Variants in UBR1 observed in about 807,000 individuals in gnomAD.
UBR1 encodes the protein ubiquitin protein ligase E3 component n-recognin 1, also known as E3 ubiquitin-protein ligase UBR1.
In UBR1, 102 loss-of-function variants were observed where a neutral mutation model predicts 242.1. That is an observed-to-expected ratio of 0.42 (90% CI 0.36 to 0.50). The LOEUF is 0.50. Among genes scored for constraint, UBR1 ranks in the 20% least tolerant of loss-of-function variants. The pLI, the probability that UBR1 is intolerant of heterozygous loss-of-function variation, is 0.01. For missense variants in UBR1, 1,772 were observed against 2,101.8 expected, an observed-to-expected ratio of 0.84 and a Z score of 3.07; for synonymous variants, 675 against 684.8, an observed-to-expected ratio of 0.99 and a Z score of 0.22.
At chr15:42,978,381 T>G (rs545470649) in intron 37 of UBR1, among the ~76,000 whole-genome samples, 2 of 152,320 alleles carry the variant, frequency 1.3e-5, no homozygotes, top group South Asian at 4.1e-4. Flanking sequence ...GTAGGTAAAA[T>G]GAGGATGGAG....
At chr15:43,009,427 C>A (rs1182147987) in intron 29 of UBR1, among the ~76,000 whole-genome samples, 1 of 152,248 alleles carries the variant, frequency 6.6e-6, no homozygotes, top group Non-Finnish European at 1.5e-5. Context: ...CGCTTATGCA[C>A]CCCTGGTCAC....
chr15:42,969,596 C>G (rs886264635), intron 40 of UBR1, among the ~76,000 whole-genome samples: 1 of 152,118 alleles, frequency 6.6e-6, no homozygotes, highest in Non-Finnish European at 1.5e-5. Flanking sequence ...TTGCCCATGC[C>G]TATGTCCTGA....
At chr15:43,055,002 G>A in intron 11 of UBR1, 103 bp from the exon 12 acceptor site, 1 of 1,292,822 alleles carries the variant, frequency 7.7e-7, no homozygotes, top group Non-Finnish European at 1.1e-6. Flanking sequence ...TTTAATAAAT[G>A]TTTGTTATTG....
Position 43,052,166 on chromosome 15 carries a change from T to C in UBR1, c.1439+2576A>G, listed in dbSNP as rs1193434255. On this transcript the variant is annotated intron_variant, in intron 12 of 46. Transcript: ENST00000290650. ...CTGTGTTCATTTCTTGGCACATAAATGGTATACATGCACCTGGAACAGGTT... is the reference window on the plus strand; with the variant it reads ...CTGTGTTCATTTCTTGGCACATAAACGGTATACATGCACCTGGAACAGGTT... Among the ~76,000 whole-genome samples the C allele has an allele frequency of 3.3e-5, 5 of 152,286 alleles. No individual in the cohort carries two copies. In the East Asian group the frequency reaches 9.6e-4, roughly 29 times the overall value.
In UBR1 at chr15:43,027,822, T is replaced by G. The variant is rs1419473393; in HGVS notation, c.2386A>C (p.Asn796His). 4 of 1,612,348 alleles carry G rather than the reference T, an allele frequency of 2.5e-6. No homozygotes were observed. In the Admixed American group the frequency reaches 6.7e-5, roughly 27 times the overall value. ...ATGACATTCTCTAAGCCAGTTTCAT[T>G]ATTTTCCTGTTGAAACAATATTTTT... ...IAKNLPENEN[N>H]ETGLENVINK... Residue 796 changes from asparagine to histidine, a missense_variant, in exon 22 of 47, where the codon AAT becomes CAT. Coordinates refer to ENST00000290650, the MANE Select transcript of UBR1 (RefSeq NM_174916.3).
rs953401345 is a variant in UBR1, at chr15:43,043,310, A to G, written c.1754T>C (p.Val585Ala). The G allele has an allele frequency of 3.1e-6, 5 of 1,613,964 alleles. No individual in the cohort carries two copies. The highest frequency in any genetic ancestry group is 1.6e-4 in the Middle Eastern group (1 of 6,084). ...STSFISSSKTVVQSCGHSLET... is the reference protein window; with the variant it reads ...STSFISSSKTAVQSCGHSLET... The stretch of plus-strand genomic sequence containing the variant: ...CAAACTATGTCCACACGATTGTACT[A>G]CTGTCTTGCTACTAGATATGAAACT... The change falls in exon 15 of 47, where the codon GTA becomes GCA. Residue 585 changes from valine to alanine, a missense_variant. Coordinates refer to ENST00000290650, the MANE Select transcript of UBR1 (RefSeq NM_174916.3).
Position 43,056,338 on chromosome 15 carries a change from A to G in UBR1, c.1281+6T>C, listed in dbSNP as rs747104611. On this transcript the variant is annotated splice_donor_region_variant and intron_variant, in intron 11 of 46. Coordinates refer to ENST00000290650, the MANE Select transcript of UBR1 (RefSeq NM_174916.3). The stretch of plus-strand genomic sequence containing the variant: ...GAAAGACTGAAAAGGAATAATCAAT[A>G]CATACCAGAGTAGGAACAGTAAACA... 1 of 1,595,114 alleles carries G rather than the reference A, an allele frequency of 6.3e-7. No individual in the cohort carries two copies. Among genetic ancestry groups the G allele is most frequent in the Non-Finnish European group, 8.6e-7 (1 of 1,162,742 alleles).
Position 43,082,679 on chromosome 15 carries a change from C to T in UBR1, c.376G>A (p.Asp126Asn), listed in dbSNP as rs2033986642. 3 of 1,613,712 alleles carry T rather than the reference C, an allele frequency of 1.9e-6. No individual in the cohort carries two copies. The highest frequency in any genetic ancestry group is 2.5e-6 in the Non-Finnish European group (3 of 1,179,886). Residue 126 changes from aspartate to asparagine, a missense_variant, in exon 3 of 47, where the codon GAC (aspartate) becomes AAC (asparagine). Transcript: ENST00000290650. ...AIDPTCVLCM[D>N]CFQDSVHKNH... ...TTATGAACACTGTCCTGGAAGCAGTCCATACAGAGTACACATGTTGGATCA... is the reference window on the plus strand; with the variant it reads ...TTATGAACACTGTCCTGGAAGCAGTTCATACAGAGTACACATGTTGGATCA...
intron 35 of UBR1, among the ~76,000 whole-genome samples, chr15:42,985,399 C>G (rs1348647897): frequency 5.3e-5 from 8 of 152,150 alleles, no homozygotes; most frequent in Non-Finnish European, 1.5e-5. Context: ...GTTGCCCAAG[C>G]TGGAGTGCAA....
rs2032188180 is a variant in UBR1, at chr15:42,970,577, C to T, written c.4400G>A (p.Ser1467Asn). The T allele has an allele frequency of 1.2e-6, 2 of 1,613,822 alleles. No homozygotes were observed. ...GLPLAQVQED[S>N]EEAHSASSFF... is the part of the protein sequence containing the mutation. Reference sequence around the variant, plus strand: ...AGAAGATGCGGAATGAGCCTCTTCACTGTCTTCTTGAACCTGAGCAAGGGG... The same window carrying T: ...AGAAGATGCGGAATGAGCCTCTTCATTGTCTTCTTGAACCTGAGCAAGGGG... The change falls in exon 40 of 47, where the codon AGT becomes AAT. Residue 1467 changes from serine (S) to asparagine (N), a missense_variant. Ser to Asn is a conservative substitution (Grantham distance 46, BLOSUM62 1). Transcript: ENST00000290650.
Position 43,002,652 on chromosome 15 carries a change from A to C in UBR1, c.3562T>G (p.Phe1188Val), listed in dbSNP as rs2032743910. The part of the protein sequence containing the change: ...SSQQRIHVDL[F>V]DLESGEYLCP... ...AGATATTCTCCACTTTCCAAGTCAA[A>C]AAGGTCAACATGAATGCGCTGCTGA... is the stretch of plus-strand genomic sequence containing the variant. The change falls in exon 32 of 47, where the codon TTT (phenylalanine) becomes GTT (valine). Residue 1188 changes from phenylalanine to valine, a missense_variant. Around this residue, in one of 3 missense-constraint regions of UBR1, gnomAD observed 965 missense variants for 1,079.7 expected, o/e 0.89. Transcript: ENST00000290650. 5 of 1,614,074 alleles carry C rather than the reference A, an allele frequency of 3.1e-6. No individual in the cohort carries two copies. The highest frequency in any genetic ancestry group is 1.3e-5 in the African/African-American group (1 of 74,926).
chr15:43,061,584 T>C lies in UBR1; in HGVS notation c.799-1470A>G, dbSNP rs117048804. ...ACATATGTATATATACACACACACA[T>C]ATATGTATATATACACATACACAGG... is the stretch of plus-strand genomic sequence containing the variant. On this transcript the variant is annotated intron_variant, in intron 6 of 46. Transcript: ENST00000290650. 7.6e-3 allele frequency among the ~76,000 whole-genome samples: 1,155 copies of C among 151,972 alleles called. 105 individuals are homozygous for C. In the East Asian group the frequency reaches 0.19, roughly 25 times the overall value.
At position 43,091,906 on chromosome 15, in the gene UBR1, CAAAAAAAAAAAAA is replaced by C. The variant is rs58586323; in HGVS notation, c.82-5679_82-5667del. On this transcript the variant is annotated intron_variant, in intron 1 of 46. Coordinates refer to ENST00000290650, the MANE Select transcript of UBR1 (RefSeq NM_174916.3). ...GAGATCATGCCACTGTACACCATCT[CAAAAAAAAAAAAA>C]AAAAAAAAAAAAAAAAATTAGCCAG... is the stretch of plus-strand genomic sequence containing the variant. 3.5e-3 allele frequency: 628 copies of C among 180,280 alleles called. 1 individual carries two copies. The highest frequency in any genetic ancestry group is 5.8e-3 in the Middle Eastern group (3 of 514). The allele number at this position is 180,280 out of a possible 1,614,324, so 11.2% of individuals were successfully genotyped here.
chr15:42,963,876 T>C, intron 42 of UBR1, 59 bp downstream of exon 42: 2 of 1,348,488 alleles, frequency 1.5e-6, no homozygotes, highest in African/African-American at 1.4e-5. Flanking sequence ...CAAGTAATTG[T>C]AATTTTAAAA....
chr15:43,074,229 T>G (rs1016565921), intron 4 of UBR1, among the ~76,000 whole-genome samples: 13 of 152,212 alleles, frequency 8.5e-5, no homozygotes, highest in Admixed American at 8.5e-4. Flanking sequence ...ATTTTCCTAT[T>G]CTCATTTCTA....
chr15:43,037,863 T>C lies in UBR1; in HGVS notation c.1932A>G (p.Val644=), dbSNP rs760299992. 2 of 1,614,008 alleles carry C rather than the reference T, an allele frequency of 1.2e-6. No individual in the cohort carries two copies. The highest frequency in any genetic ancestry group is 4.5e-5 in the East Asian group (2 of 44,858). ...GACAACGTAAAGGATATTCCACTAG[T>C]ACCTCTACTTGAAAGTCCTCCTGAA... The part of the protein sequence containing the change: ...FVSFEDFQVE[V]LVEYPLRCLV... The change falls in exon 17 of 47, where the codon GTA becomes GTG. Residue 644 remains valine, a synonymous_variant. Coordinates refer to ENST00000290650, the MANE Select transcript of UBR1 (RefSeq NM_174916.3).
At chr15:43,064,983 G>A (rs2033734681) in intron 6 of UBR1, among the ~76,000 whole-genome samples, 2 of 152,128 alleles carry the variant, frequency 1.3e-5, no homozygotes, top group African/African-American at 4.8e-5. Context: ...TGTGATTACA[G>A]CCACCTAACG....
chr15:43,001,085 C>T (rs974608715), intron 32 of UBR1, among the ~76,000 whole-genome samples: 2 of 151,778 alleles, frequency 1.3e-5, no homozygotes, highest in South Asian at 2.1e-4. Context: ...CTGCCTGCCT[C>T]AGCCTCTCAA....
chr15:43,006,091 T>TAAAAAAAAAAAAAAA (rs1257692507), intron 30 of UBR1, among the ~76,000 whole-genome samples: 3 of 71,614 alleles, frequency 4.2e-5, no homozygotes, highest in African/African-American at 1.0e-4. Context: ...CAATAAATAC[T>TAAAAAAAAAAAAAAA]AAAAAAAAAA....
Sources: allele counts gnomAD v4.1 joint callset (sites outside exome capture counted in the v4.1 genomes callset), GRCh38; gene constraint gnomAD v4.1.1; regional missense constraint gnomAD v4.1.1; transcripts MANE v1.5; gene names NCBI Gene and HGNC (gene_info 2026-07-23, HGNC 2026-07-21).